Variants in ST6GALNAC3 observed in about 807,000 individuals in gnomAD.
The protein encoded by ST6GALNAC3 is alpha-N-acetylgalactosaminide alpha-2,6-sialyltransferase 3.
ST6GALNAC3 carries 25 observed loss-of-function variants against 32.7 expected under a neutral mutation model. That is an observed-to-expected ratio of 0.76 (90% confidence interval 0.56 to 1.07). The LOEUF (loss-of-function observed/expected upper bound fraction) is 1.07. Among genes scored for constraint, ST6GALNAC3 ranks in the 50% least tolerant of loss-of-function variants. The pLI, the probability that ST6GALNAC3 is intolerant of heterozygous loss-of-function variation, is 0.00. For synonymous variants in ST6GALNAC3, 129 were observed against 133.1 expected, an observed-to-expected ratio of 0.97 and a Z score of 0.21; for missense variants, 355 against 382.4, an observed-to-expected ratio of 0.93 and a Z score of 0.60.
At chr1:76,181,067 G>A (rs1653148678) in intron 1 of ST6GALNAC3, among the ~76,000 whole-genome samples, 1 of 152,320 alleles carries the variant, frequency 6.6e-6, no homozygotes, top group African/African-American at 2.4e-5. Context: ...ATCCCTGGAC[G>A]CTGCTGTGGG....
intron 1 of ST6GALNAC3, among the ~76,000 whole-genome samples, chr1:76,285,570 G>A (rs867158955): frequency 7.9e-5 from 12 of 152,130 alleles, no homozygotes; most frequent in Admixed American, 4.6e-4. Context: ...AATGAATTCA[G>A]CATAGATTAT....
intron 1 of ST6GALNAC3, among the ~76,000 whole-genome samples, chr1:76,141,563 C>A (rs1650323421): frequency 6.6e-6 from 1 of 152,090 alleles, no homozygotes; most frequent in South Asian, 2.1e-4. Flanking sequence ...AAGACTAAAG[C>A]TTGCCTTTTC....
At chr1:76,243,240 A>G (rs377182904) in intron 1 of ST6GALNAC3, among the ~76,000 whole-genome samples, 5 of 152,142 alleles carry the variant, frequency 3.3e-5, no homozygotes, top group South Asian at 4.1e-4. Flanking sequence ...TTTTGACCAC[A>G]TACATGTCTT....
chr1:76,089,268 A>G (rs533415370), intron 1 of ST6GALNAC3, among the ~76,000 whole-genome samples: 8 of 152,108 alleles, frequency 5.3e-5, no homozygotes, highest in Middle Eastern at 3.4e-3. Flanking sequence ...AGCCAGGATG[A>G]TCTCAATCTC....
intron 3 of ST6GALNAC3, among the ~76,000 whole-genome samples, chr1:76,460,648 C>T (rs530618209): frequency 2.0e-5 from 3 of 152,092 alleles, no homozygotes; most frequent in Non-Finnish European, 1.5e-5. Flanking sequence ...AGTCAATTGC[C>T]GAATGACTCT....
chr1:76,143,504 T>C (rs289685), intron 1 of ST6GALNAC3, among the ~76,000 whole-genome samples: 141,872 of 151,732 alleles, frequency 0.94, 67,100 homozygotes, highest in East Asian at 1. Context: ...CATTTTTCTT[T>C]GAGTGGCCCC....
intron 2 of ST6GALNAC3, among the ~76,000 whole-genome samples, chr1:76,410,805 T>G (rs1042195897): frequency 6.6e-6 from 1 of 152,108 alleles, no homozygotes; most frequent in Non-Finnish European, 1.5e-5. Flanking sequence ...ACTTCCTAAC[T>G]TAACCAACTG....
intron 1 of ST6GALNAC3, among the ~76,000 whole-genome samples, chr1:76,097,093 A>AT (rs1488127690): frequency 1.1e-4 from 17 of 151,984 alleles, no homozygotes; most frequent in Non-Finnish European, 2.4e-4. Flanking sequence ...TAATTTTTGT[A>AT]TTTTTAGTGG....
intron 1 of ST6GALNAC3, among the ~76,000 whole-genome samples, chr1:76,290,339 A>T (rs533432799): frequency 6.6e-6 from 1 of 152,300 alleles, no homozygotes; most frequent in South Asian, 2.1e-4. Context: ...AGCTTTTTTT[A>T]AAATCATAAT....
At chr1:76,319,252 T>G (rs959676217) in intron 2 of ST6GALNAC3, among the ~76,000 whole-genome samples, 2 of 151,940 alleles carry the variant, frequency 1.3e-5, no homozygotes, top group African/African-American at 4.8e-5. Context: ...AGTGGAGAGG[T>G]GCAAGATTGC....
chr1:76,620,280 C>G (rs896947040), intron 3 of ST6GALNAC3, among the ~76,000 whole-genome samples: 1 of 151,894 alleles, frequency 6.6e-6, no homozygotes, highest in Non-Finnish European at 1.5e-5. Flanking sequence ...GGCTGAGATG[C>G]GCAAGTTTAA....
chr1:76,420,833 A>G (rs1286820264), intron 3 of ST6GALNAC3, among the ~76,000 whole-genome samples: 1 of 152,046 alleles, frequency 6.6e-6, no homozygotes, highest in African/African-American at 2.4e-5. Flanking sequence ...CTTTATGAAC[A>G]AGTCAAATGT....
At chr1:76,589,877 G>A (rs1647020544) in intron 3 of ST6GALNAC3, among the ~76,000 whole-genome samples, 1 of 151,900 alleles carries the variant, frequency 6.6e-6, no homozygotes. Flanking sequence ...ACCAAACTTG[G>A]GAAGTAGGGA....
In ST6GALNAC3 at chr1:76,547,039, T is replaced by C. The variant is rs563492652; in HGVS notation, c.624-80413T>C. ...GAGAGGCCTGGAAACTAATAATAAA[T>C]ATCCAAGTCTGTTCTAAAATAGCCA... On this transcript the variant is annotated intron_variant, in intron 3 of 4. Coordinates refer to ENST00000328299, the MANE Select transcript of ST6GALNAC3 (RefSeq NM_152996.4). Among the ~76,000 whole-genome samples, 11 of 152,320 alleles carry C rather than the reference T, an allele frequency of 7.2e-5. No individual in the cohort carries two copies. In the South Asian group the frequency reaches 2.3e-3, roughly 32 times the overall value.
At chr1:76,277,278 G>A (rs996644449) in intron 1 of ST6GALNAC3, among the ~76,000 whole-genome samples, 1 of 151,538 alleles carries the variant, frequency 6.6e-6, no homozygotes, top group African/African-American at 2.4e-5. Flanking sequence ...TTACATATGG[G>A]CTTATATATT....
chr1:76,626,348 TTGGG>T (rs768738352), intron 3 of ST6GALNAC3, among the ~76,000 whole-genome samples: 6 of 151,904 alleles, frequency 3.9e-5, no homozygotes, highest in Non-Finnish European at 7.4e-5. Context: ...ATCAAACAAA[TTGGG>T]GTGCTCCAAA....
At chr1:76,106,398 A>G (rs1647534147) in intron 1 of ST6GALNAC3, among the ~76,000 whole-genome samples, 1 of 152,240 alleles carries the variant, frequency 6.6e-6, no homozygotes, top group African/African-American at 2.4e-5. Flanking sequence ...TGATAAATCC[A>G]CAAGATAACT....
chr1:76,582,847 C>G (rs1646910479), intron 3 of ST6GALNAC3, among the ~76,000 whole-genome samples: 1 of 152,058 alleles, frequency 6.6e-6, no homozygotes, highest in Non-Finnish European at 1.5e-5. Context: ...TGCTTTGACT[C>G]TTTCCTATTT....
At chr1:76,172,197 T>A (rs1374652928) in intron 1 of ST6GALNAC3, among the ~76,000 whole-genome samples, 1 of 151,946 alleles carries the variant, frequency 6.6e-6, no homozygotes, top group African/African-American at 2.4e-5. Context: ...CGTAAATCAA[T>A]AAACGTAATC....
Sources: gnomAD v4.1 joint callset for allele counts (sites outside exome capture counted in the v4.1 genomes callset) on GRCh38, gnomAD v4.1.1 for gene constraint, MANE v1.5 for transcripts, NCBI Gene and HGNC (gene_info 2026-07-23, HGNC 2026-07-21) for gene names.